NPIPA5: variants seen among roughly 807,000 people sequenced by gnomAD.
The protein encoded by NPIPA5 is nuclear pore complex-interacting protein family member A5.
Under a neutral mutation model 21.4 loss-of-function variants are expected in NPIPA5, and 6 were observed. That is an observed-to-expected ratio of 0.28 (90% CI 0.15 to 0.55). The LOEUF (loss-of-function observed/expected upper bound fraction) is 0.55, where lower values mean the gene tolerates loss of function less well. Ranked by LOEUF, NPIPA5 falls within the 20% of genes least tolerant of loss-of-function variation. The pLI is 0.93. For missense variants in NPIPA5, 99 were observed against 318.2 expected (o/e 0.31, Z 5.24); for synonymous variants, 33 against 115.3 (o/e 0.29, Z 4.57).
At chr16:15,380,068 C>A (rs559621449), upstream of NPIPA5, among the ~76,000 whole-genome samples, 2 of 150,836 alleles carry the variant, frequency 1.3e-5, no homozygotes, top group East Asian at 1.9e-4. Flanking sequence ...TTTTAAAAGA[C>A]AAGATAATGT....
At chr16:15,376,913 G>A in intron 1 of NPIPA5, among the ~76,000 whole-genome samples, 1 of 152,126 alleles carries the variant, frequency 6.6e-6, no homozygotes, top group African/African-American at 2.4e-5. Context: ...AGCGGAGGTT[G>A]CAGTGAGCCG....
chr16:15,363,639 T>C lies in NPIPA5; in HGVS notation c.*20A>G. On this transcript the variant is annotated 3_prime_UTR_variant, in exon 8 of 8. Transcript: ENST00000360151. ...GACTGCAGTATTCATTTTATTTTTA[T>C]ATTATTTATTTATTCTTCATTAGTT... 6.6e-7 allele frequency: 1 copy of C among 1,504,268 alleles called. No homozygotes were observed. The highest frequency in any genetic ancestry group is 1.2e-5 in the South Asian group (1 of 82,966). The allele number at this position is 1,504,268 out of a possible 1,614,324, so 93.2% of individuals were successfully genotyped here.
chr16:15,376,034 G>T (rs1466994605), intron 1 of NPIPA5, among the ~76,000 whole-genome samples: 2 of 151,758 alleles, frequency 1.3e-5, no homozygotes, highest in Non-Finnish European at 2.9e-5. Context: ...GTCTGAAATG[G>T]AAATGATGGA....
chr16:15,377,561 G>C (rs984240492), intron 1 of NPIPA5, among the ~76,000 whole-genome samples: 2 of 143,222 alleles, frequency 1.4e-5, no homozygotes, highest in African/African-American at 5.1e-5. Flanking sequence ...AGCCAGGACA[G>C]AGGTGGAGGT....
At chr16:15,377,028 T>C (rs1048437177) in intron 1 of NPIPA5, among the ~76,000 whole-genome samples, 5 of 151,992 alleles carry the variant, frequency 3.3e-5, no homozygotes, top group African/African-American at 1.2e-4. Context: ...CAAATGACAT[T>C]TCACTTTGTT....
Position 15,370,865 on chromosome 16 carries a change from G to A in NPIPA5, c.193-746C>T, listed in dbSNP as rs540579540. 4.2e-4 allele frequency among the ~76,000 whole-genome samples: 62 copies of A among 146,884 alleles called. 2 individuals are homozygous for A. Among genetic ancestry groups the A allele is most frequent in the Non-Finnish European group, 8.4e-4 (56 of 66,956 alleles). On this transcript the variant is annotated intron_variant, in intron 2 of 7. Transcript: ENST00000360151. ...AGATGGAGACCATCCTGGGCAACAT[G>A]GTGAAACCCCGTCTCTACTAAAAAT...
At chr16:15,379,010 C>T (rs1161578380), upstream of NPIPA5, among the ~76,000 whole-genome samples, 4 of 148,930 alleles carry the variant, frequency 2.7e-5, no homozygotes, top group Admixed American at 6.7e-5. Context: ...ACCCAGGGGC[C>T]TGGTGACCAG....
chr16:15,376,644 C>T (rs976433626), intron 1 of NPIPA5, among the ~76,000 whole-genome samples: 8 of 151,838 alleles, frequency 5.3e-5, no homozygotes, highest in Non-Finnish European at 1.0e-4. Flanking sequence ...TTTGGCCAGG[C>T]GCGGTGGCTC....
intron 2 of NPIPA5, among the ~76,000 whole-genome samples, chr16:15,372,062 A>G (rs140903773): frequency 0.054 from 7,951 of 148,450 alleles, 756 homozygotes; most frequent in Non-Finnish European, 0.077. Flanking sequence ...ATGCTTCATG[A>G]CACCCATGAT....
intron 2 of NPIPA5, among the ~76,000 whole-genome samples, chr16:15,370,821 C>T (rs576907468): frequency 4.0e-5 from 6 of 148,236 alleles, no homozygotes; most frequent in South Asian, 2.2e-4. Flanking sequence ...GAGGCCGAGG[C>T]GGGTGAATCA....
intron 1 of NPIPA5, among the ~76,000 whole-genome samples, chr16:15,376,431 G>A (rs1213523874): frequency 6.7e-6 from 1 of 149,992 alleles, no homozygotes. Flanking sequence ...GGGAGGCTGA[G>A]GCAGGAGAAT....
At position 15,363,895 on chromosome 16, in the gene NPIPA5, G is replaced by C. The variant is rs545270815; in HGVS notation, c.817C>G (p.Pro273Ala). 9 of 1,604,112 alleles carry C rather than the reference G, an allele frequency of 5.6e-6. No homozygotes were observed. The highest frequency in any genetic ancestry group is 7.6e-6 in the Non-Finnish European group (9 of 1,179,368). Reference sequence around the variant, plus strand: ...TTATCATCCGCTGAGGGTGGAAGGGGATAGAGCAGACGCTCGGAAGGTGTC... The same window carrying C: ...TTATCATCCGCTGAGGGTGGAAGGGCATAGAGCAGACGCTCGGAAGGTGTC... ...LKTPSERLLYPLPPSADDNLK... is the reference protein window; with the variant it reads ...LKTPSERLLYALPPSADDNLK... Residue 273 changes from proline (P) to alanine (A), a missense_variant, in exon 8 of 8, where the codon CCC becomes GCC. Coordinates refer to ENST00000360151, the MANE Select transcript of NPIPA5 (RefSeq NM_001277325.2).
intron 1 of NPIPA5, among the ~76,000 whole-genome samples, chr16:15,375,956 A>G (rs1382662023): frequency 1.3e-5 from 2 of 150,312 alleles, no homozygotes; most frequent in East Asian, 2.0e-4. Context: ...TCAATTTTAA[A>G]TGTTTCTTTC....
intron 4 of NPIPA5, among the ~76,000 whole-genome samples, chr16:15,367,603 T>C (rs1439244236): frequency 6.6e-6 from 1 of 151,608 alleles, no homozygotes; most frequent in African/African-American, 2.4e-5. Context: ...ACCTGATACT[T>C]GGTTTTATAG....
chr16:15,374,496 A>AT (rs932035083), intron 1 of NPIPA5, among the ~76,000 whole-genome samples: 5 of 149,104 alleles, frequency 3.4e-5, no homozygotes, highest in Non-Finnish European at 4.4e-5. Context: ...GTGCCCAGCC[A>AT]TTTTTTTTGT....
upstream of NPIPA5, among the ~76,000 whole-genome samples, chr16:15,379,438 G>A (rs527524431): frequency 3.5e-3 from 535 of 151,396 alleles, 1 homozygote; most frequent in Non-Finnish European, 6.6e-3. Context: ...GTGGTGGTGG[G>A]CACCTGTAGT....
upstream of NPIPA5, chr16:15,381,311 G>T (rs896053647): frequency 9.4e-6 from 2 of 212,934 alleles, no homozygotes; most frequent in African/African-American, 4.8e-5. Context: ...TTTCTCTCAA[G>T]GTTTCACGAG....
intron 4 of NPIPA5, among the ~76,000 whole-genome samples, chr16:15,366,962 T>C (rs576478250): frequency 6.6e-6 from 1 of 152,216 alleles, no homozygotes; most frequent in Non-Finnish European, 1.5e-5. Flanking sequence ...TGCTGGCAAG[T>C]CACCTGTCAT....
chr16:15,374,355 T>C (rs1050434518), intron 1 of NPIPA5, among the ~76,000 whole-genome samples: 2 of 151,392 alleles, frequency 1.3e-5, no homozygotes, highest in Non-Finnish European at 2.9e-5. Context: ...TCTGCCACCA[T>C]GCCTGACTAA....
Sources: allele counts gnomAD v4.1 joint callset (sites outside exome capture counted in the v4.1 genomes callset), GRCh38; gene constraint gnomAD v4.1.1; transcripts MANE v1.5; gene names NCBI Gene and HGNC (gene_info 2026-07-23, HGNC 2026-07-21).